CYFIP1: variants seen among roughly 807,000 people sequenced by gnomAD.
CYFIP1 encodes the protein cytoplasmic FMR1 interacting protein 1.
In CYFIP1, 58 loss-of-function variants were observed where a neutral mutation model predicts 163.5. That is an observed-to-expected ratio of 0.35 (90% CI 0.29 to 0.44). The LOEUF (loss-of-function observed/expected upper bound fraction) is 0.44, where lower values mean the gene tolerates loss of function less well. Among genes scored for constraint, CYFIP1 ranks in the 20% least tolerant of loss-of-function variants. The pLI is 1.00. For synonymous variants in CYFIP1, 663 were observed against 660.7 expected (o/e 1.00, Z -0.05); for missense variants, 1,338 against 1,653.8 (o/e 0.81, Z 3.31).
At chr15:22,904,006 G>A (rs2060489288) in intron 21 of CYFIP1, 101 bp from the exon 22 acceptor site, 1 of 1,134,014 alleles carries the variant, frequency 8.8e-7, no homozygotes, top group Non-Finnish European at 1.3e-6. Flanking sequence ...TCCCTGGCAG[G>A]GCTGCACGGA....
chr15:22,917,750 C>A lies in CYFIP1; in HGVS notation c.1674+38G>T, dbSNP rs778409253. On this transcript the variant is annotated intron_variant, in intron 15 of 30. Coordinates refer to ENST00000617928, the MANE Select transcript of CYFIP1 (RefSeq NM_014608.6). This position sits in a 1 kb window ranked among gnomAD's most constrained non-coding sequence, Gnocchi z 4.2. Reference sequence around the variant, plus strand: ...GCTCACAGCTCAGGGTGGGTCCCCCCAGGGAGAGGGTGCAGGCGGGGCTCA... The same window carrying A: ...GCTCACAGCTCAGGGTGGGTCCCCCAAGGGAGAGGGTGCAGGCGGGGCTCA... 3 of 1,516,320 alleles carry A rather than the reference C, an allele frequency of 2.0e-6. No homozygotes were observed. Among genetic ancestry groups the A allele is most frequent in the Non-Finnish European group, 2.7e-6 (3 of 1,128,914 alleles). The allele number at this position is 1,516,320 out of a possible 1,614,324, so 93.9% of individuals were successfully genotyped here. A position where few individuals can be genotyped will look rare whatever the true frequency, so the allele number is the denominator to read the frequency against.
chr15:22,919,006 G>C, intron 13 of CYFIP1, 148 bp from the exon 14 acceptor site: 1 of 625,628 alleles, frequency 1.6e-6, no homozygotes, highest in South Asian at 2.1e-5. Context: ...GCCCCAAAAC[G>C]TCTTCTCCAA....
At position 22,867,811 on chromosome 15, in the gene CYFIP1, T is replaced by G. The variant is rs1030759223; in HGVS notation, c.*2217A>C. ...TGTACCAAGTACTTTGCTTAAGAGC[T>G]CCTTTGGGCCACTACATATTTTGGT... On this transcript the variant is annotated 3_prime_UTR_variant, in exon 31 of 31. Transcript: ENST00000617928. The G allele has an allele frequency of 1.3e-5, 2 of 151,982 alleles. No homozygotes were observed. The highest frequency in any genetic ancestry group is 4.8e-5 in the African/African-American group (2 of 41,388). The allele number at this position is 151,982 out of a possible 1,614,324, so 9.4% of individuals were successfully genotyped here.
intron 23 of CYFIP1, among the ~76,000 whole-genome samples, chr15:22,889,520 T>C (rs771783412): frequency 6.6e-6 from 1 of 152,162 alleles, no homozygotes; most frequent in African/African-American, 2.4e-5. Context: ...AGCAAAGATG[T>C]CACCACAGTG....
intron 9 of CYFIP1, among the ~76,000 whole-genome samples, chr15:22,936,466 C>T (rs955872053): frequency 9.9e-5 from 15 of 152,204 alleles, no homozygotes; most frequent in African/African-American, 3.6e-4. Context: ...ATGCTGTACG[C>T]ATCCTCAGGA....
rs4134802 is a variant in CYFIP1, at chr15:22,947,217, G to C, written c.69C>G (p.Pro23=). ...GGGGCTCGATGCAGGGCTGCTGGTC[G>C]GGCAGGGGCAGCTCCTCCAGGAGGT... is the stretch of plus-strand genomic sequence containing the variant. ...NVDLLEELPL[P]DQQPCIEPPP... Residue 23 remains proline (P), a synonymous_variant, in exon 2 of 31, where the codon CCC becomes CCG. Coordinates refer to ENST00000617928, the MANE Select transcript of CYFIP1 (RefSeq NM_014608.6). 1.9e-6 allele frequency: 3 copies of C among 1,613,564 alleles called. No homozygotes were observed. The highest frequency in any genetic ancestry group is 1.7e-5 in the Admixed American group (1 of 59,964).
chr15:22,914,608 G>T, intron 17 of CYFIP1, 118 bp downstream of exon 17: 1 of 1,098,916 alleles, frequency 9.1e-7, no homozygotes, highest in South Asian at 1.9e-5. Flanking sequence ...TTTTGCCCAG[G>T]CCCAGAAACT....
At chr15:22,922,474 C>T (rs948846302) in intron 13 of CYFIP1, among the ~76,000 whole-genome samples, 1 of 152,222 alleles carries the variant, frequency 6.6e-6, no homozygotes, top group Non-Finnish European at 1.5e-5. Flanking sequence ...GGACTCCACT[C>T]CTGTGCCTTT....
chr15:22,973,400 C>G (rs2063165922), intron 1 of CYFIP1, among the ~76,000 whole-genome samples: 1 of 147,444 alleles, frequency 6.8e-6, no homozygotes, highest in Non-Finnish European at 1.5e-5. Context: ...TTCACTGATC[C>G]TCTCTCCCCT....
intron 13 of CYFIP1, among the ~76,000 whole-genome samples, chr15:22,919,692 G>A (rs778045085): frequency 6.6e-6 from 1 of 152,088 alleles, no homozygotes; most frequent in South Asian, 2.1e-4. Context: ...TAACTAGAAC[G>A]CTGTACCTAA....
At chr15:22,947,934 G>T in intron 1 of CYFIP1, 1 of 985,460 alleles carries the variant, frequency 1.0e-6, no homozygotes, top group Non-Finnish European at 1.2e-6. Flanking sequence ...TCCAGGGAGA[G>T]GGGGCAATCT....
At position 22,873,426 on chromosome 15, in the gene CYFIP1, G is replaced by A. The variant is rs1025204732; in HGVS notation, c.3449+65C>T. 8.8e-6 allele frequency: 12 copies of A among 1,356,606 alleles called. No individual in the cohort carries two copies. In the African/African-American group the frequency reaches 1.0e-4, roughly 11 times the overall value. The allele number at this position is 1,356,606 out of a possible 1,614,324, so 84.0% of individuals were successfully genotyped here. On this transcript the variant is annotated intron_variant, in intron 29 of 30. Transcript: ENST00000617928. Reference sequence around the variant, plus strand: ...GGCTGGCTGCTTGTTAGCCTAACACGCCTCCCCTCCCCCACAGCTCCTCCC... The same window carrying A: ...GGCTGGCTGCTTGTTAGCCTAACACACCTCCCCTCCCCCACAGCTCCTCCC...
chr15:22,939,396 A>G lies in CYFIP1; in HGVS notation c.666+15T>C. On this transcript the variant is annotated intron_variant, in intron 7 of 30. Coordinates refer to ENST00000617928, the MANE Select transcript of CYFIP1 (RefSeq NM_014608.6). ...GCTTGGCCCATCAACCTGAGTGTGC[A>G]AACACCAGCCTTACCTGTGTGATCT... 1 of 1,613,878 alleles carries G rather than the reference A, an allele frequency of 6.2e-7. No individual in the cohort carries two copies. The highest frequency in any genetic ancestry group is 8.5e-7 in the Non-Finnish European group (1 of 1,179,916).
At chr15:22,915,024 G>A in intron 16 of CYFIP1, 142 bp from the exon 17 acceptor site, 1 of 786,848 alleles carries the variant, frequency 1.3e-6, no homozygotes, top group Non-Finnish European at 1.9e-6. Context: ...AGTGGGGAGG[G>A]GTCACCGGGG....
At chr15:22,871,854 A>T (rs1417042430) in intron 30 of CYFIP1, among the ~76,000 whole-genome samples, 1 of 152,112 alleles carries the variant, frequency 6.6e-6, no homozygotes, top group African/African-American at 2.4e-5. Context: ...TGAACCCAGC[A>T]CCTCAGACAC....
chr15:22,883,027 C>T lies in CYFIP1; in HGVS notation c.2677-16G>A. The T allele has an allele frequency of 6.2e-7, 1 of 1,612,522 alleles. No individual in the cohort carries two copies. Among genetic ancestry groups the T allele is most frequent in the Non-Finnish European group, 8.5e-7 (1 of 1,178,962 alleles). ...AGTTCAAAGCCTGGAAAACAGGGCA[C>T]AGAGCTCTCAGCATGGTCCCCGCAC... is the stretch of plus-strand genomic sequence containing the variant. On this transcript the variant is annotated splice_polypyrimidine_tract_variant and intron_variant, in intron 23 of 30. Coordinates refer to ENST00000617928, the MANE Select transcript of CYFIP1 (RefSeq NM_014608.6).
intron 22 of CYFIP1, among the ~76,000 whole-genome samples, chr15:22,897,478 GTT>G (rs545780467): frequency 4.2e-5 from 6 of 144,162 alleles, no homozygotes; most frequent in African/African-American, 1.5e-4. Context: ...CAACAGGGTT[GTT>G]TTTTTTTTTT....
chr15:22,879,092 C>T (rs147378445), intron 26 of CYFIP1, among the ~76,000 whole-genome samples: 1,640 of 149,970 alleles, frequency 0.011, 36 homozygotes, highest in African/African-American at 0.038. Flanking sequence ...GCCAACATCA[C>T]GCCACTGCAC....
Position 22,925,170 on chromosome 15 carries a change from A to T in CYFIP1, c.1359+812T>A, listed in dbSNP as rs1450338713. On this transcript the variant is annotated intron_variant, in intron 13 of 30. Coordinates refer to ENST00000617928, the MANE Select transcript of CYFIP1 (RefSeq NM_014608.6). ...TGTCAATTCTCCTGTCATGATCCAT[A>T]GGATTGTTCATATCCTGATTAAAAT... is the stretch of plus-strand genomic sequence containing the variant. Among the ~76,000 whole-genome samples the T allele has an allele frequency of 3.3e-5, 5 of 152,238 alleles. No individual in the cohort carries two copies. In the East Asian group the frequency reaches 9.6e-4, roughly 29 times the overall value.
Sources: gnomAD v4.1 joint callset for allele counts (sites outside exome capture counted in the v4.1 genomes callset) on GRCh38, gnomAD v4.1.1 for gene constraint, Gnocchi (gnomAD v3.1) non-coding constraint, MANE v1.5 for transcripts, NCBI Gene and HGNC (gene_info 2026-07-23, HGNC 2026-07-21) for gene names.